ADGRL2: variants seen among roughly 807,000 people sequenced by gnomAD.
ADGRL2 encodes adhesion G protein-coupled receptor L2, also known as calcium-independent alpha-latrotoxin receptor 2.
Under a neutral mutation model 157.4 loss-of-function variants are expected in ADGRL2, and 44 were observed. The observed-to-expected ratio is 0.28, with a 90% CI of 0.22 to 0.36. The LOEUF is 0.36. ADGRL2 is among the 10% of genes least tolerant of loss of function. The pLI is 1.00. For synonymous variants in ADGRL2, 585 were observed against 624.7 expected, an observed-to-expected ratio of 0.94 and a Z score of 0.95; for missense variants, 1,510 against 1,768.9, an observed-to-expected ratio of 0.85 and a Z score of 2.63.
chr1:81,978,341 T>C (rs950981865), intron 17 of ADGRL2, among the ~76,000 whole-genome samples: 2 of 151,810 alleles, frequency 1.3e-5, no homozygotes, highest in African/African-American at 2.4e-5. Context: ...TATGACCAAC[T>C]AGAATGTTAT....
At chr1:81,845,854 T>G (rs2092768265) in intron 2 of ADGRL2, among the ~76,000 whole-genome samples, 1 of 151,958 alleles carries the variant, frequency 6.6e-6, no homozygotes, top group Non-Finnish European at 1.5e-5. Flanking sequence ...TGTCAAGATA[T>G]TGTTACATTT....
chr1:81,424,399 T>C (rs1460408231), intron 1 of ADGRL2, among the ~76,000 whole-genome samples: 1 of 152,236 alleles, frequency 6.6e-6, no homozygotes, highest in African/African-American at 2.4e-5. Flanking sequence ...CACAATGGTA[T>C]GTGGTGTAGT....
chr1:81,857,827 G>A (rs1031775627), intron 2 of ADGRL2, among the ~76,000 whole-genome samples: 1 of 152,016 alleles, frequency 6.6e-6, no homozygotes, highest in Non-Finnish European at 1.5e-5. Context: ...TTTTTGGAGA[G>A]AATATCATTG....
intron 1 of ADGRL2, among the ~76,000 whole-genome samples, chr1:81,342,358 A>C (rs189231339): frequency 1.3e-5 from 2 of 152,342 alleles, no homozygotes; most frequent in Admixed American, 6.5e-5. Flanking sequence ...TTAAATCTCC[A>C]TTCCAATTGT....
Position 81,990,485 on chromosome 1 carries a change from C to T in ADGRL2, c.3750C>T (p.Asp1250=). The T allele has an allele frequency of 6.2e-7, 1 of 1,614,092 alleles. No homozygotes were observed. The highest frequency in any genetic ancestry group is 1.1e-5 in the South Asian group (1 of 91,082). ...FNNSYSLHKG[D]YNDSVQVVDC... is the part of the protein sequence containing the mutation. ...ACAGCTACTCGCTGCACAAGGGTGA[C>T]TATAATGACAGCGTGCAAGTTGTGG... Residue 1250 remains aspartate (D), a synonymous_variant, in exon 24 of 24, where the codon GAC becomes GAT. Transcript: ENST00000686636.
At chr1:81,451,695 G>A (rs1334484938) in intron 2 of ADGRL2, among the ~76,000 whole-genome samples, 3 of 152,090 alleles carry the variant, frequency 2.0e-5, no homozygotes, top group South Asian at 4.1e-4. Context: ...ACTCATAGAA[G>A]CCTAGAAGCA....
chr1:81,920,480 G>C (rs998858735), intron 3 of ADGRL2, among the ~76,000 whole-genome samples: 2 of 152,094 alleles, frequency 1.3e-5, no homozygotes, highest in African/African-American at 4.8e-5. Flanking sequence ...TCACTCCACA[G>C]GAACTGCCAC....
At chr1:81,414,915 G>A (rs934824040) in intron 1 of ADGRL2, among the ~76,000 whole-genome samples, 1 of 152,220 alleles carries the variant, frequency 6.6e-6, no homozygotes, top group Non-Finnish European at 1.5e-5. Context: ...TGACTCATAG[G>A]GTCTAGGAAG....
chr1:81,541,232 T>A (rs1488503555), intron 2 of ADGRL2, among the ~76,000 whole-genome samples: 1 of 152,250 alleles, frequency 6.6e-6, no homozygotes, highest in African/African-American at 2.4e-5. Flanking sequence ...ATGTCTGTGT[T>A]GTATCCTGCT....
intron 1 of ADGRL2, among the ~76,000 whole-genome samples, chr1:81,748,274 C>G (rs1050496262): frequency 6.6e-6 from 1 of 151,714 alleles, no homozygotes; most frequent in Non-Finnish European, 1.5e-5. Context: ...GTCAAGAGAT[C>G]GAGACCATCC....
At chr1:81,770,408 G>A (rs912183876) in intron 2 of ADGRL2, among the ~76,000 whole-genome samples, 1 of 151,916 alleles carries the variant, frequency 6.6e-6, no homozygotes, top group Non-Finnish European at 1.5e-5. Flanking sequence ...TAATTCGCCC[G>A]CCTTGGCCTC....
intron 3 of ADGRL2, among the ~76,000 whole-genome samples, chr1:81,636,005 T>G (rs559757776): frequency 6.6e-6 from 1 of 152,250 alleles, no homozygotes; most frequent in East Asian, 1.9e-4. Flanking sequence ...GACACAACAT[T>G]GTAAGAATTC....
intron 6 of ADGRL2, among the ~76,000 whole-genome samples, chr1:81,944,159 G>A (rs902692262): frequency 1.3e-5 from 2 of 152,010 alleles, no homozygotes; most frequent in South Asian, 2.1e-4. Context: ...GGAAGTCCCA[G>A]GAGAATGGCT....
intron 2 of ADGRL2, among the ~76,000 whole-genome samples, chr1:81,849,040 A>G (rs1303622627): frequency 6.6e-6 from 1 of 151,886 alleles, no homozygotes; most frequent in African/African-American, 2.4e-5. Context: ...GCAAATAGCA[A>G]CCATCCCTGT....
intron 1 of ADGRL2, among the ~76,000 whole-genome samples, chr1:81,816,963 CTT>C (rs68090624): frequency 2.2e-5 from 3 of 135,094 alleles, no homozygotes; most frequent in African/African-American, 5.4e-5. Flanking sequence ...TTTTTTGGGG[CTT>C]TTTTTTTTTC....
intron 2 of ADGRL2, among the ~76,000 whole-genome samples, chr1:81,538,238 A>T (rs2148302808): frequency 6.6e-6 from 1 of 152,294 alleles, no homozygotes; most frequent in East Asian, 1.9e-4. Context: ...ACAGTGGCTC[A>T]AACAAGGTGC....
chr1:81,512,820 C>A (rs1003562874), intron 2 of ADGRL2, among the ~76,000 whole-genome samples: 14 of 152,054 alleles, frequency 9.2e-5, no homozygotes, highest in African/African-American at 2.4e-5. Context: ...CCACAGCCCC[C>A]CTGCAGGACA....
chr1:81,875,115 C>T (rs1475789917), intron 2 of ADGRL2, among the ~76,000 whole-genome samples: 1 of 152,128 alleles, frequency 6.6e-6, no homozygotes, highest in Non-Finnish European at 1.5e-5. Context: ...TCCCCAAAAT[C>T]CCTGCAGCAA....
chr1:81,837,989 A>T (rs575898337), intron 2 of ADGRL2, among the ~76,000 whole-genome samples: 4 of 152,092 alleles, frequency 2.6e-5, no homozygotes, highest in African/African-American at 7.2e-5. Context: ...AATGGATTTT[A>T]AAAAATTCCA....
Sources: gnomAD v4.1 joint callset for allele counts (sites outside exome capture counted in the v4.1 genomes callset) on GRCh38, gnomAD v4.1.1 for gene constraint, MANE v1.5 for transcripts, NCBI Gene and HGNC (gene_info 2026-07-23, HGNC 2026-07-21) for gene names.